FAM193A: variants seen among roughly 807,000 people sequenced by gnomAD.
FAM193A encodes family with sequence similarity 193 member A, also known as protein FAM193A.
FAM193A carries 22 observed loss-of-function variants against 126.5 expected under a neutral mutation model. That is an observed-to-expected ratio of 0.17 (90% confidence interval 0.12 to 0.25). FAM193A has a LOEUF of 0.25. Among genes scored for constraint, FAM193A ranks in the 10% least tolerant of loss-of-function variants. The pLI is 1.00. For synonymous variants in FAM193A, 761 were observed against 646.8 expected (o/e 1.18, Z -2.68); for missense variants, 1,675 against 1,672.8 (o/e 1.00, Z -0.02).
intron 19 of FAM193A, among the ~76,000 whole-genome samples, chr4:2,709,466 G>A (rs534213735): frequency 3.9e-5 from 6 of 152,156 alleles, no homozygotes; most frequent in Non-Finnish European, 8.8e-5. Context: ...CCAGCATTTT[G>A]GAAAGCCGAG....
chr4:2,588,243 T>A (rs1002696052), intron 1 of FAM193A, among the ~76,000 whole-genome samples: 1 of 152,246 alleles, frequency 6.6e-6, no homozygotes, highest in African/African-American at 2.4e-5. Flanking sequence ...ATCATTAGGC[T>A]CAGGGACCTT....
Position 2,696,461 on chromosome 4 carries a change from C to A in FAM193A, c.3375C>A (p.Asp1125Glu), listed in dbSNP as rs1717044668. Residue 1125 changes from aspartate to glutamate, a missense_variant, in exon 18 of 21, where the codon GAC becomes GAA. Transcript: ENST00000637812. ...KRKEEQPKKM[D>E]QISERESVVD... is the part of the protein sequence containing the mutation. Reference sequence around the variant, plus strand: ...AAGAGGAGCAACCTAAAAAAATGGACCAGATCTCAGAAAGGGAAAGCGTCG... The same window carrying A: ...AAGAGGAGCAACCTAAAAAAATGGAACAGATCTCAGAAAGGGAAAGCGTCG... The A allele has an allele frequency of 6.2e-7, 1 of 1,613,992 alleles. No homozygotes were observed. The highest frequency in any genetic ancestry group is 8.5e-7 in the Non-Finnish European group (1 of 1,179,976).
At chr4:2,719,925 G>A (rs1577270437) in intron 20 of FAM193A, 1 of 271,634 alleles carries the variant, frequency 3.7e-6, no homozygotes, top group East Asian at 1.6e-4. Flanking sequence ...CAAGTAGCCG[G>A]GACTACAGGC....
At chr4:2,701,075 C>T (rs1308779321) in intron 19 of FAM193A, among the ~76,000 whole-genome samples, 2 of 151,856 alleles carry the variant, frequency 1.3e-5, no homozygotes, top group African/African-American at 2.4e-5. Context: ...CTCCCTCTCT[C>T]TCTTATTTTT....
rs538109645 is a variant in FAM193A at position 2,639,959 on chromosome 4, C to T, written c.1163+100C>T. 9 of 1,184,968 alleles carry T rather than the reference C, an allele frequency of 7.6e-6. No homozygotes were observed. The South Asian group carries it at 1.5e-4, about 20-fold the overall frequency. The allele number at this position is 1,184,968 out of a possible 1,614,324, so 73.4% of individuals were successfully genotyped here. ...CCGAGTACCACTGAGTATGAAAGTT[C>T]TTGCAGGAAAAATAACAGGGCTTAA... On this transcript the variant is annotated intron_variant, in intron 6 of 20. Transcript: ENST00000637812.
rs1717595634 is a variant in FAM193A, at chr4:2,700,492, C to G, written c.4320C>G (p.Gly1440=). 1 of 1,613,070 alleles carries G rather than the reference C, an allele frequency of 6.2e-7. No homozygotes were observed. Among genetic ancestry groups the G allele is most frequent in the Non-Finnish European group, 8.5e-7 (1 of 1,179,738 alleles). The change falls in exon 19 of 21, where the codon GGC becomes GGG. Residue 1440 remains glycine, a synonymous_variant. Coordinates refer to ENST00000637812, the MANE Select transcript of FAM193A (RefSeq NM_001366318.2). ...LVLAESPQPK[G]KNKKNKKKKG... ...TGGCAGAGTCCCCTCAGCCAAAGGG[C>G]AAGAACAAGAAAAATAAGAAGAAGA...
intron 2 of FAM193A, among the ~76,000 whole-genome samples, chr4:2,623,625 C>A (rs2108971452): frequency 6.6e-6 from 1 of 152,292 alleles, no homozygotes; most frequent in Non-Finnish European, 1.5e-5. Flanking sequence ...GGCTCAGCAG[C>A]AGACTGGGGT....
In FAM193A at chr4:2,608,048, A is replaced by G. The variant is rs1046996406; in HGVS notation, c.501+11719A>G. On this transcript the variant is annotated intron_variant, in intron 2 of 20. Transcript: ENST00000637812. Reference sequence around the variant, plus strand: ...CGCACTTCACGTCCGGGTGTGCAGCATAAATTGCAGAGTGTAAGGTGAAGC... The same window carrying G: ...CGCACTTCACGTCCGGGTGTGCAGCGTAAATTGCAGAGTGTAAGGTGAAGC... 11 of 1,609,012 alleles carry G rather than the reference A, an allele frequency of 6.8e-6. No homozygotes were observed. In the African/African-American group the frequency reaches 1.5e-4, roughly 22 times the overall value.
Position 2,663,169 on chromosome 4 carries a change from G to T in FAM193A, c.1960G>T (p.Gly654Cys), listed in dbSNP as rs566113808. 2 of 1,614,046 alleles carry T rather than the reference G, an allele frequency of 1.2e-6. No homozygotes were observed. Among genetic ancestry groups the T allele is most frequent in the South Asian group, 2.2e-5 (2 of 91,090 alleles). Residue 654 changes from glycine to cysteine, a missense_variant, in exon 12 of 21, where the codon GGC becomes TGC. Gly to Cys is a radical substitution (Grantham distance 159). Coordinates refer to ENST00000637812, the MANE Select transcript of FAM193A (RefSeq NM_001366318.2). ...SSEADDEEADGESSGEPPGAP... is the reference protein window; with the variant it reads ...SSEADDEEADCESSGEPPGAP... ...AGAAGCTGATGATGAAGAAGCGGACGGCGAGAGTAGTGGGGAGCCCCCAGG... is the reference window on the plus strand; with the variant it reads ...AGAAGCTGATGATGAAGAAGCGGACTGCGAGAGTAGTGGGGAGCCCCCAGG...
At chr4:2,715,482 G>A (rs989956376) in intron 19 of FAM193A, 1 of 985,458 alleles carries the variant, frequency 1.0e-6, no homozygotes, top group Admixed American at 6.1e-5. Context: ...GAAATCTCTG[G>A]ATGTCATATG....
intron 2 of FAM193A, among the ~76,000 whole-genome samples, chr4:2,615,531 T>A (rs1172507783): frequency 6.6e-6 from 1 of 152,212 alleles, no homozygotes; most frequent in Non-Finnish European, 1.5e-5. Flanking sequence ...ATTTTATTTT[T>A]ATTTTTGAGA....
intron 19 of FAM193A, among the ~76,000 whole-genome samples, chr4:2,709,422 T>A (rs769771076): frequency 3.9e-5 from 6 of 152,182 alleles, no homozygotes; most frequent in African/African-American, 1.4e-4. Context: ...ATTAGGAAGT[T>A]TTTGGCTGGG....
intron 12 of FAM193A, among the ~76,000 whole-genome samples, chr4:2,668,873 C>T (rs1249974150): frequency 4.0e-5 from 6 of 149,804 alleles, no homozygotes; most frequent in Admixed American, 1.3e-4. Context: ...GACAGAGTCA[C>T]ACTCTGTTGT....
chr4:2,549,162 C>T (rs1180094293), intron 1 of FAM193A, among the ~76,000 whole-genome samples: 3 of 151,756 alleles, frequency 2.0e-5, no homozygotes, highest in Non-Finnish European at 4.4e-5. Context: ...TCGTCTTGAA[C>T]TCCTGACCTT....
intron 2 of FAM193A, among the ~76,000 whole-genome samples, chr4:2,624,439 C>T (rs570820892): frequency 3.3e-5 from 5 of 152,320 alleles, no homozygotes; most frequent in South Asian, 4.1e-4. Context: ...CCACTGCCCC[C>T]GGCCAAGTGT....
chr4:2,686,580 T>C (rs777792688), intron 13 of FAM193A, among the ~76,000 whole-genome samples: 1 of 152,062 alleles, frequency 6.6e-6, no homozygotes, highest in Non-Finnish European at 1.5e-5. Context: ...GCTGATGAAA[T>C]AGGGTTTTGA....
intron 1 of FAM193A, among the ~76,000 whole-genome samples, chr4:2,542,998 A>G (rs1327517851): frequency 6.6e-6 from 1 of 152,132 alleles, no homozygotes; most frequent in Non-Finnish European, 1.5e-5. Context: ...TTGACTCAAA[A>G]CAGAATTCTT....
rs557386369 is a variant in FAM193A, at chr4:2,698,616, A to G, written c.3508-1064A>G. On this transcript the variant is annotated intron_variant, in intron 18 of 20. Coordinates refer to ENST00000637812, the MANE Select transcript of FAM193A (RefSeq NM_001366318.2). ...GAAAAATAATTTACACTTGGGGAGT[A>G]CTTTTCTATTTCTCTAGGAGAAATG... 3.3e-5 allele frequency among the ~76,000 whole-genome samples: 5 copies of G among 152,316 alleles called. No homozygotes were observed. The South Asian group carries it at 8.3e-4, about 25-fold the overall frequency.
intron 20 of FAM193A, among the ~76,000 whole-genome samples, chr4:2,723,315 A>G (rs886343213): frequency 1.3e-5 from 2 of 149,456 alleles, no homozygotes; most frequent in Admixed American, 6.6e-5. Flanking sequence ...ACGGTGGCTC[A>G]TGCCTGTAAT....
Sources: gnomAD v4.1 joint callset for allele counts (sites outside exome capture counted in the v4.1 genomes callset) on GRCh38, gnomAD v4.1.1 for gene constraint, MANE v1.5 for transcripts, NCBI Gene and HGNC (gene_info 2026-07-23, HGNC 2026-07-21) for gene names.